The following DPYD variants were observed in gnomAD, a reference collection of about 807,000 sequenced individuals.
DPYD encodes the protein dihydropyrimidine dehydrogenase.
A neutral mutation model predicts 116.2 loss-of-function variants in DPYD; 109 were observed. The ratio of observed to expected loss-of-function variants is 0.94; its 90% CI spans 0.80 to 1.10. The LOEUF is 1.10. Ranked by LOEUF, DPYD falls within the 50% of genes least tolerant of loss-of-function variation. DPYD has a pLI of 0.00. For synonymous variants in DPYD, 440 were observed against 432.0 expected (o/e 1.02, Z -0.23); for missense variants, 1,302 against 1,254.5 (o/e 1.04, Z -0.57).
intron 10 of DPYD, among the ~76,000 whole-genome samples, chr1:97,591,027 T>C (rs1043213257): frequency 5.9e-5 from 9 of 152,230 alleles, no homozygotes; most frequent in African/African-American, 2.2e-4. Flanking sequence ...CTTACTCTAT[T>C]CTGATGATAC....
At chr1:97,401,417 G>A (rs939997608) in intron 14 of DPYD, among the ~76,000 whole-genome samples, 11 of 151,938 alleles carry the variant, frequency 7.2e-5, no homozygotes, top group South Asian at 6.2e-4. Flanking sequence ...AGATTCAAGC[G>A]ATTCTCCTGT....
At chr1:97,361,101 A>G (rs557589534) in intron 16 of DPYD, among the ~76,000 whole-genome samples, 1 of 152,206 alleles carries the variant, frequency 6.6e-6, no homozygotes, top group Non-Finnish European at 1.5e-5. Flanking sequence ...AAATAGACAC[A>G]ATAATAAATG....
At chr1:97,637,496 T>A (rs563243309) in intron 8 of DPYD, among the ~76,000 whole-genome samples, 156 of 150,010 alleles carry the variant, frequency 1.0e-3, no homozygotes, top group African/African-American at 3.8e-3. Context: ...ACAGGAAAAG[T>A]TTTCCCCCCC....
At chr1:97,090,558 A>G (rs1169208280) in intron 21 of DPYD, among the ~76,000 whole-genome samples, 1 of 152,170 alleles carries the variant, frequency 6.6e-6, no homozygotes, top group African/African-American at 2.4e-5. Flanking sequence ...CTCCATTTTA[A>G]ATATCACCAT....
intron 5 of DPYD, chr1:97,719,846 T>C (rs1662821500): frequency 1.0e-6 from 1 of 984,896 alleles, no homozygotes; most frequent in Non-Finnish European, 1.2e-6. Flanking sequence ...AATAAGCAGA[T>C]ACATTCCTAT....
chr1:97,320,143 A>C (rs1668151530), intron 16 of DPYD, among the ~76,000 whole-genome samples: 1 of 121,164 alleles, frequency 8.3e-6, no homozygotes, highest in South Asian at 3.0e-4. Context: ...ATGGGCAAAA[A>C]CTGGAAGCAT....
intron 1 of DPYD, among the ~76,000 whole-genome samples, chr1:97,893,457 T>TATATATATATATATAC: frequency 6.9e-6 from 1 of 143,934 alleles, no homozygotes; most frequent in East Asian, 2.0e-4. Context: ...TATATATATA[T>TATATATATATATATAC]ATATAGCAAT....
chr1:97,916,716 T>C (rs947057524), intron 1 of DPYD, among the ~76,000 whole-genome samples: 1 of 152,194 alleles, frequency 6.6e-6, no homozygotes, highest in Non-Finnish European at 1.5e-5. Context: ...ACTATTCATC[T>C]GAATTCATAT....
At chr1:97,290,880 A>G (rs1666098786) in intron 18 of DPYD, among the ~76,000 whole-genome samples, 1 of 152,246 alleles carries the variant, frequency 6.6e-6, no homozygotes, top group African/African-American at 2.4e-5. Flanking sequence ...AAAAGAAACT[A>G]CCATCAGAGT....
intron 8 of DPYD, among the ~76,000 whole-genome samples, chr1:97,632,791 G>T (rs1299604143): frequency 6.6e-6 from 1 of 152,050 alleles, no homozygotes; most frequent in Non-Finnish European, 1.5e-5. Context: ...ACCTTCATTT[G>T]TATAAACTAT....
chr1:97,619,448 T>C (rs1656500825), intron 8 of DPYD, among the ~76,000 whole-genome samples: 1 of 152,176 alleles, frequency 6.6e-6, no homozygotes. Flanking sequence ...TTCCATGAAA[T>C]TGGACTTAAG....
At chr1:97,258,731 T>C (rs1663678919) in intron 18 of DPYD, among the ~76,000 whole-genome samples, 1 of 152,094 alleles carries the variant, frequency 6.6e-6, no homozygotes, top group South Asian at 2.1e-4. Context: ...CTCTGAGAAT[T>C]TTGAGCAAGG....
At chr1:97,398,208 G>A (rs1453951500) in intron 14 of DPYD, among the ~76,000 whole-genome samples, 1 of 151,994 alleles carries the variant, frequency 6.6e-6, no homozygotes. Context: ...TTGGATTTCT[G>A]TCCTTGCGAT....
intron 11 of DPYD, among the ~76,000 whole-genome samples, chr1:97,552,865 C>A (rs1267391134): frequency 6.6e-6 from 1 of 151,866 alleles, no homozygotes; most frequent in Non-Finnish European, 1.5e-5. Flanking sequence ...TTCCTAATTT[C>A]ATTCCAGAAA....
chr1:97,278,015 A>G (rs553327606), intron 18 of DPYD, among the ~76,000 whole-genome samples: 13 of 152,214 alleles, frequency 8.5e-5, no homozygotes, highest in Non-Finnish European at 2.9e-5. Flanking sequence ...TGATCTATTT[A>G]TTTAGTTTGT....
chr1:97,753,328 T>A (rs1184902920), intron 3 of DPYD, among the ~76,000 whole-genome samples: 1 of 152,128 alleles, frequency 6.6e-6, no homozygotes, highest in Non-Finnish European at 1.5e-5. Context: ...TTAATAAAGA[T>A]CTCCTAAAAA....
intron 19 of DPYD, among the ~76,000 whole-genome samples, chr1:97,214,247 G>A (rs1660229427): frequency 6.6e-6 from 1 of 152,050 alleles, no homozygotes; most frequent in Non-Finnish European, 1.5e-5. Flanking sequence ...TTATGATATG[G>A]TAAAACTATT....
chr1:97,401,245 T>C (rs904632149), intron 14 of DPYD, among the ~76,000 whole-genome samples: 4 of 152,138 alleles, frequency 2.6e-5, no homozygotes, highest in Non-Finnish European at 4.4e-5. Flanking sequence ...TTTACAAATA[T>C]TTTCTCCCAG....
chr1:97,399,946 C>G (rs912408647), intron 14 of DPYD, among the ~76,000 whole-genome samples: 9 of 152,120 alleles, frequency 5.9e-5, no homozygotes, highest in Admixed American at 6.6e-5. Context: ...TTATTTCCTT[C>G]TCCTGCCTAA....
Sources: gnomAD v4.1 joint callset for allele counts (sites outside exome capture counted in the v4.1 genomes callset) on GRCh38, gnomAD v4.1.1 for gene constraint, MANE v1.5 for transcripts, NCBI Gene and HGNC (gene_info 2026-07-23, HGNC 2026-07-21) for gene names.